The following IL7R variants were observed in gnomAD, a reference collection of about 807,000 sequenced individuals.
IL7R encodes the protein interleukin 7 receptor.
A neutral mutation model predicts 47.0 loss-of-function variants in IL7R; 38 were observed. The observed-to-expected ratio is 0.81, with a 90% CI of 0.62 to 1.06. The LOEUF (loss-of-function observed/expected upper bound fraction) is 1.06. IL7R is among the 50% of genes least tolerant of loss of function. IL7R has a pLI of 0.00. For missense variants in IL7R, 633 were observed against 534.8 expected (o/e 1.18, Z -1.81); for synonymous variants, 221 against 199.8 (o/e 1.11, Z -0.89).
chr5:35,864,850 G>A (rs931182396), intron 2 of IL7R, among the ~76,000 whole-genome samples: 49 of 151,888 alleles, frequency 3.2e-4, no homozygotes, highest in Admixed American at 5.2e-4. Flanking sequence ...TCTTTTATAT[G>A]TAGTGCTTTT....
chr5:35,868,539 T>A (rs1759995703), intron 3 of IL7R, among the ~76,000 whole-genome samples: 1 of 152,192 alleles, frequency 6.6e-6, no homozygotes. Context: ...ATGACCAGTG[T>A]GGGTCCTGGT....
Position 35,876,282 on chromosome 5 carries a change from G to T in IL7R, c.1176G>T (p.Glu392Asp), listed in dbSNP as rs764922920. 1 of 1,614,098 alleles carries T rather than the reference G, an allele frequency of 6.2e-7. No individual in the cohort carries two copies. The highest frequency in any genetic ancestry group is 1.7e-5 in the Admixed American group (1 of 60,022). ...LSSSRSLDCRESGKNGPHVYQ... is the reference protein window; with the variant it reads ...LSSSRSLDCRDSGKNGPHVYQ... ...CTTCCAGGTCCCTAGACTGCAGGGA[G>T]AGTGGCAAGAATGGGCCTCATGTGT... Residue 392 changes from glutamate (E) to aspartate (D), a missense_variant, in exon 8 of 8, where the codon GAG (glutamate) becomes GAT (aspartate). Glu to Asp is a conservative substitution (Grantham distance 45, BLOSUM62 2). Transcript: ENST00000303115.
intron 1 of IL7R, among the ~76,000 whole-genome samples, chr5:35,859,114 A>G (rs1759734945): frequency 3.3e-5 from 5 of 152,294 alleles, no homozygotes; most frequent in South Asian, 4.2e-4. Flanking sequence ...GCTTCCTAAA[A>G]CACAGCCATT....
chr5:35,863,893 A>C (rs1759879432), intron 2 of IL7R, among the ~76,000 whole-genome samples: 1 of 152,116 alleles, frequency 6.6e-6, no homozygotes, highest in Non-Finnish European at 1.5e-5. Flanking sequence ...GTTTGATTAC[A>C]ATGCATTTTA....
At chr5:35,875,296 T>C (rs1760175347) in intron 6 of IL7R, 4 of 603,740 alleles carry the variant, frequency 6.6e-6, no homozygotes, top group South Asian at 3.6e-5. Context: ...ACAGAATGGA[T>C]TGATATCTGT....
In IL7R at chr5:35,879,551, G is replaced by A. The variant is rs886331466; in HGVS notation, c.*3065G>A. 22 of 226,448 alleles carry A rather than the reference G, an allele frequency of 9.7e-5. No individual in the cohort carries two copies. The highest frequency in any genetic ancestry group is 3.4e-4 in the Admixed American group (6 of 17,556). 14.0% of individuals were successfully genotyped at this position (226,448 alleles called of 1,614,324 possible). A position where few individuals can be genotyped will look rare whatever the true frequency, so the allele number is the denominator to read the frequency against. On this transcript the variant is annotated 3_prime_UTR_variant, in exon 8 of 8. Transcript: ENST00000303115. ...TCGCAGAGCTGCTTAGTATATAAGC[G>A]TACAATGTATGTAATAACCATCTCA...
Position 35,876,342 on chromosome 5 carries a change from C to T in IL7R, c.1236C>T (p.Asn412=), listed in dbSNP as rs2149906088. 3 of 1,613,256 alleles carry T rather than the reference C, an allele frequency of 1.9e-6. No homozygotes were observed. Among genetic ancestry groups the T allele is most frequent in the Non-Finnish European group, 2.5e-6 (3 of 1,179,400 alleles). The change falls in exon 8 of 8, where the codon AAC becomes AAT. Residue 412 remains asparagine, a synonymous_variant. Transcript: ENST00000303115. ...TCCTGCTTAGCCTTGGGACTACAAA[C>T]AGCACGCTGCCCCCTCCATTTTCTC... ...QDLLLSLGTT[N]STLPPPFSLQ...
chr5:35,873,262 C>G (rs1367162245), intron 4 of IL7R: 4 of 587,418 alleles, frequency 6.8e-6, no homozygotes, highest in Non-Finnish European at 1.2e-5. Context: ...TCATTTCACT[C>G]TCCTCCTTGA....
At chr5:35,871,253 A>G (rs1271546842) in intron 4 of IL7R, 40 bp downstream of exon 4, 1 of 1,542,672 alleles carries the variant, frequency 6.5e-7, no homozygotes. Context: ...AAAACTTATG[A>G]ATGTTTTCTA....
Position 35,878,152 on chromosome 5 carries a change from G to A in IL7R, c.*1666G>A, listed in dbSNP as rs1580866448. 4.3e-6 allele frequency: 1 copy of A among 233,170 alleles called. No homozygotes were observed. The highest frequency in any genetic ancestry group is 8.5e-6 in the Non-Finnish European group (1 of 118,060). The allele number at this position is 233,170 out of a possible 1,614,324, so 14.4% of individuals were successfully genotyped here. ...TTGGCTTAAAGGACTGGTAAGATCA[G>A]ACCATCTTATTCTTCAGGTGAATGT... On this transcript the variant is annotated 3_prime_UTR_variant, in exon 8 of 8. Transcript: ENST00000303115.
intron 2 of IL7R, among the ~76,000 whole-genome samples, chr5:35,861,334 C>A (rs1412073988): frequency 2.6e-5 from 4 of 152,160 alleles, no homozygotes; most frequent in African/African-American, 4.8e-5. Context: ...CCAGTGTCTT[C>A]AAGTTGCATC....
intron 2 of IL7R, among the ~76,000 whole-genome samples, chr5:35,861,329 G>A (rs559181739): frequency 1.3e-5 from 2 of 152,224 alleles, no homozygotes; most frequent in African/African-American, 2.4e-5. Flanking sequence ...ACAATCCAGT[G>A]TCTTCAAGTT....
At position 35,877,633 on chromosome 5, in the gene IL7R, TG is replaced by T. The variant is rs1421952306; in HGVS notation, c.*1148del. 1 of 233,068 alleles carries T rather than the reference TG, an allele frequency of 4.3e-6. No homozygotes were observed. The highest frequency in any genetic ancestry group is 6.0e-5 in the East Asian group (1 of 16,600). The allele number at this position is 233,068 out of a possible 1,614,324, so 14.4% of individuals were successfully genotyped here. On this transcript the variant is annotated 3_prime_UTR_variant, in exon 8 of 8. Transcript: ENST00000303115. ...CCCCAACCTAAATTCATCCCTAAAT[TG>T]TCCCAAGTTCTCCAGCAATAGAGGC...
chr5:35,873,252 T>C, intron 4 of IL7R: 1 of 573,410 alleles, frequency 1.7e-6, no homozygotes, highest in Non-Finnish European at 3.1e-6. Flanking sequence ...ATAAGACCCA[T>C]CATTTCACTC....
chr5:35,860,822 A>C (rs749593377), intron 1 of IL7R, 30 bp from the exon 2 acceptor site: 2 of 1,611,900 alleles, frequency 1.2e-6, no homozygotes, highest in South Asian at 2.2e-5. Context: ...TATTTGTTTC[A>C]TTAACAGCTG....
At position 35,879,309 on chromosome 5, in the gene IL7R, T is replaced by A. The variant is rs977980369; in HGVS notation, c.*2823T>A. 1 of 232,660 alleles carries A rather than the reference T, an allele frequency of 4.3e-6. No homozygotes were observed. The highest frequency in any genetic ancestry group is 2.2e-5 in the African/African-American group (1 of 45,316). The allele number at this position is 232,660 out of a possible 1,614,324, so 14.4% of individuals were successfully genotyped here. A position where few individuals can be genotyped will look rare whatever the true frequency, so the allele number is the denominator to read the frequency against. On this transcript the variant is annotated 3_prime_UTR_variant, in exon 8 of 8. Coordinates refer to ENST00000303115, the MANE Select transcript of IL7R (RefSeq NM_002185.5). ...AAGCCAAGTATGGGCTGTTCAGAGG[T>A]GCACACCTGCATTTTCTTAGCTCTT...
chr5:35,875,876 T>C, intron 7 of IL7R, 107 bp from the exon 8 acceptor site: 1 of 1,241,854 alleles, frequency 8.1e-7, no homozygotes, highest in Non-Finnish European at 1.2e-6. Flanking sequence ...CTGGCAATTC[T>C]GTGACATTCC....
chr5:35,867,432 A>G lies in IL7R; in HGVS notation c.348A>G (p.Leu116=). 6.2e-7 allele frequency: 1 copy of G among 1,613,430 alleles called. No individual in the cohort carries two copies. The highest frequency in any genetic ancestry group is 8.5e-7 in the Non-Finnish European group (1 of 1,179,666). The change falls in exon 3 of 8, where the codon CTA becomes CTG. Residue 116 remains leucine, a synonymous_variant. Transcript: ENST00000303115. ...NICVKVGEKS[L]TCKKIDLTTI... ...GTGTGAAGGTTGGAGAAAAGAGTCTAACCTGCAAAAAAATAGACCTAACCA... is the reference window on the plus strand; with the variant it reads ...GTGTGAAGGTTGGAGAAAAGAGTCTGACCTGCAAAAAAATAGACCTAACCA...
At chr5:35,871,469 T>A (rs1014612970) in intron 4 of IL7R, among the ~76,000 whole-genome samples, 1 of 152,210 alleles carries the variant, frequency 6.6e-6, no homozygotes, top group African/African-American at 2.4e-5. Context: ...GATAACAATA[T>A]AGATTGAGGC....
Sources: allele counts gnomAD v4.1 joint callset (sites outside exome capture counted in the v4.1 genomes callset), GRCh38; gene constraint gnomAD v4.1.1; transcripts MANE v1.5; gene names NCBI Gene and HGNC (gene_info 2026-07-23, HGNC 2026-07-21).